Variants in ADAMTS9 observed in about 807,000 individuals in gnomAD.
ADAMTS9 encodes ADAM metallopeptidase with thrombospondin type 1 motif 9, also known as A disintegrin and metalloproteinase with thrombospondin motifs 9.
In ADAMTS9, 107 loss-of-function variants were observed where a neutral mutation model predicts 257.1. That is an observed-to-expected ratio of 0.42 (90% CI 0.36 to 0.49). The LOEUF (loss-of-function observed/expected upper bound fraction) is 0.49. Ranked by LOEUF, ADAMTS9 falls within the 20% of genes least tolerant of loss-of-function variation. The pLI is 0.03. For missense variants in ADAMTS9, 2,353 were observed against 2,469.1 expected, an observed-to-expected ratio of 0.95 and a Z score of 1.00; for synonymous variants, 982 against 880.9, an observed-to-expected ratio of 1.11 and a Z score of -2.03.
At chr3:64,615,199 A>G in intron 21 of ADAMTS9, 122 bp downstream of exon 21, 2 of 1,173,046 alleles carry the variant, frequency 1.7e-6, no homozygotes, top group Non-Finnish European at 2.4e-6. Flanking sequence ...TTCTCAAGGG[A>G]GACAAGGGAG....
chr3:64,545,435 A>T (rs1210950537), intron 32 of ADAMTS9, among the ~76,000 whole-genome samples: 1 of 152,224 alleles, frequency 6.6e-6, no homozygotes, highest in Non-Finnish European at 1.5e-5. Flanking sequence ...GCCATAAAAA[A>T]GGATGAGTTC....
chr3:64,516,399 G>T lies in ADAMTS9; in HGVS notation c.*728C>A, dbSNP rs1314904037. 1 of 152,500 alleles carries T rather than the reference G, an allele frequency of 6.6e-6. No homozygotes were observed. Among genetic ancestry groups the T allele is most frequent in the African/African-American group, 2.4e-5 (1 of 41,418 alleles). The allele number at this position is 152,500 out of a possible 1,614,324, so 9.4% of individuals were successfully genotyped here. ...AAAGTCTAAGTCTCTTCCAAAAAAG[G>T]CATATCCAAAAATAAGGGTAAAGAG... On this transcript the variant is annotated 3_prime_UTR_variant, in exon 40 of 40. Coordinates refer to ENST00000498707, the MANE Select transcript of ADAMTS9 (RefSeq NM_182920.2).
Position 64,568,936 on chromosome 3 carries a change from A to C in ADAMTS9, c.4357-401T>G, listed in dbSNP as rs149188081. The C allele has an allele frequency of 5.6e-4, 93 of 167,302 alleles. 1 individual carries two copies. The East Asian group carries it at 0.013, about 23-fold the overall frequency. 10.4% of individuals were successfully genotyped at this position (167,302 alleles called of 1,614,324 possible). ...GATAAAGGTGCATTTCCAAAATACA[A>C]CTATGTTCAATTTCTTAATTAAATG... On this transcript the variant is annotated intron_variant, in intron 28 of 39. Transcript: ENST00000498707.
At chr3:64,591,051 C>T (rs2084249529) in intron 28 of ADAMTS9, among the ~76,000 whole-genome samples, 1 of 152,146 alleles carries the variant, frequency 6.6e-6, no homozygotes, top group Admixed American at 6.6e-5. Context: ...GGTCTCTTTC[C>T]AATTTACTCC....
At chr3:64,668,656 C>G (rs1701407866) in intron 3 of ADAMTS9, among the ~76,000 whole-genome samples, 2 of 152,124 alleles carry the variant, frequency 1.3e-5, no homozygotes, top group African/African-American at 4.8e-5. Context: ...GTAGGAAGTC[C>G]TCTGGAGGCA....
In ADAMTS9 at chr3:64,629,452, C is replaced by T. The variant is rs537831988; in HGVS notation, c.2389+2003G>A. Among the ~76,000 whole-genome samples the T allele has an allele frequency of 5.9e-5, 9 of 152,322 alleles. No individual in the cohort carries two copies. The East Asian group carries it at 1.7e-3, about 29-fold the overall frequency. On this transcript the variant is annotated intron_variant, in intron 16 of 39. Coordinates refer to ENST00000498707, the MANE Select transcript of ADAMTS9 (RefSeq NM_182920.2). The stretch of plus-strand genomic sequence containing the variant: ...CTGTGCTCACTTGGCAACAGCCATA[C>T]TGCCTCCGTCTTCCCTACTTCAAGG...
At chr3:64,604,632 AG>A (rs1390212474) in intron 23 of ADAMTS9, among the ~76,000 whole-genome samples, 1 of 152,244 alleles carries the variant, frequency 6.6e-6, no homozygotes, top group African/African-American at 2.4e-5. Flanking sequence ...AGGACATGTA[AG>A]TCATGAAATA....
At chr3:64,571,350 G>T (rs1157582585) in intron 28 of ADAMTS9, among the ~76,000 whole-genome samples, 3 of 152,170 alleles carry the variant, frequency 2.0e-5, no homozygotes, top group Non-Finnish European at 4.4e-5. Flanking sequence ...GCTTTATATA[G>T]TGCTTCCCAC....
At chr3:64,523,061 CA>C (rs1244368329) in intron 38 of ADAMTS9, among the ~76,000 whole-genome samples, 2 of 151,922 alleles carry the variant, frequency 1.3e-5, no homozygotes, top group Admixed American at 1.3e-4. Context: ...AGTAAGTTTC[CA>C]AGTTGCTCAT....
chr3:64,575,542 G>A (rs549764668), intron 28 of ADAMTS9, among the ~76,000 whole-genome samples: 41 of 152,284 alleles, frequency 2.7e-4, no homozygotes, highest in African/African-American at 9.4e-4. Context: ...TCCAAGGGGT[G>A]CTTGGGTGCT....
intron 16 of ADAMTS9, among the ~76,000 whole-genome samples, chr3:64,623,080 A>T (rs1180910889): frequency 6.6e-6 from 1 of 152,198 alleles, no homozygotes; most frequent in Non-Finnish European, 1.5e-5. Flanking sequence ...TCCATGGTTA[A>T]TATGATGCTC....
At chr3:64,637,534 A>C (rs1399466710) in intron 12 of ADAMTS9, among the ~76,000 whole-genome samples, 1 of 152,238 alleles carries the variant, frequency 6.6e-6, no homozygotes, top group Non-Finnish European at 1.5e-5. Context: ...CAAAGCTATA[A>C]AGAAATTTTT....
chr3:64,649,794 G>A lies in ADAMTS9; in HGVS notation c.1464-16C>T, dbSNP rs190945688. The A allele has an allele frequency of 3.3e-3, 5,264 of 1,607,588 alleles. 21 individuals carry two copies. Among genetic ancestry groups the A allele is most frequent in the Middle Eastern group, 3.9e-3 (23 of 5,914 alleles). On this transcript the variant is annotated splice_polypyrimidine_tract_variant and intron_variant, in intron 9 of 39. Transcript: ENST00000498707. ...ATAACCAGTGCTACGGAAACACACA[G>A]AAACACACAGATGGTGAGAACGGTG...
At chr3:64,580,290 A>T (rs115530443) in intron 28 of ADAMTS9, among the ~76,000 whole-genome samples, 2,944 of 152,222 alleles carry the variant, frequency 0.019, 87 homozygotes, top group African/African-American at 0.056. Flanking sequence ...AATTTTTTTA[A>T]TAAGTTTTCT....
At chr3:64,641,280 T>C (rs1401009773) in intron 12 of ADAMTS9, among the ~76,000 whole-genome samples, 2 of 151,574 alleles carry the variant, frequency 1.3e-5, no homozygotes, top group South Asian at 2.1e-4. Flanking sequence ...TTTTGTTTTG[T>C]TTTGTTTTGT....
intron 25 of ADAMTS9, among the ~76,000 whole-genome samples, chr3:64,603,284 A>G (rs951315035): frequency 4.6e-5 from 7 of 152,132 alleles, no homozygotes; most frequent in African/African-American, 1.4e-4. Context: ...CTCTCTCTAT[A>G]TTATGATATT....
chr3:64,528,623 T>C (rs2082939690), intron 38 of ADAMTS9, among the ~76,000 whole-genome samples: 1 of 152,172 alleles, frequency 6.6e-6, no homozygotes, highest in Non-Finnish European at 1.5e-5. Flanking sequence ...TTCGATGTCC[T>C]TCCCACCAGC....
At chr3:64,662,558 T>C (rs1169290936) in intron 3 of ADAMTS9, among the ~76,000 whole-genome samples, 2 of 152,184 alleles carry the variant, frequency 1.3e-5, no homozygotes, top group Non-Finnish European at 2.9e-5. Context: ...TGTCAGTTTT[T>C]GCTTTACATA....
At chr3:64,619,225 A>T (rs1700044004) in intron 19 of ADAMTS9, among the ~76,000 whole-genome samples, 1 of 152,132 alleles carries the variant, frequency 6.6e-6, no homozygotes, top group Non-Finnish European at 1.5e-5. Context: ...TCAGAGACTC[A>T]ACCAGTCTCG....
Sources: gnomAD v4.1 joint callset for allele counts (sites outside exome capture counted in the v4.1 genomes callset) on GRCh38, gnomAD v4.1.1 for gene constraint, MANE v1.5 for transcripts, NCBI Gene and HGNC (gene_info 2026-07-23, HGNC 2026-07-21) for gene names.